SNRPG: variants seen among roughly 807,000 people sequenced by gnomAD.
The protein encoded by SNRPG is small nuclear ribonucleoprotein polypeptide G.
Under a neutral mutation model 13.9 loss-of-function variants are expected in SNRPG, and 3 were observed. The observed-to-expected ratio is 0.22, with a 90% confidence interval of 0.10 to 0.56. The LOEUF is 0.56. SNRPG is among the 20% of genes least tolerant of loss of function. The probability of loss-of-function intolerance (pLI) is 0.93; values close to 1 mark genes in which losing one functional copy is unlikely to be tolerated. For missense variants in SNRPG, 34 were observed against 96.1 expected (o/e 0.35, Z 2.70); for synonymous variants, 29 against 29.3 (o/e 0.99, Z 0.03).
At chr2:70,289,938 G>C (rs1384146696) in intron 1 of SNRPG, among the ~76,000 whole-genome samples, 4 of 151,572 alleles carry the variant, frequency 2.6e-5, no homozygotes, top group Middle Eastern at 3.2e-3. Context: ...ATTAAGTAGA[G>C]TATACTAATG....
At chr2:70,284,387 A>G (rs1298500264) in intron 3 of SNRPG, among the ~76,000 whole-genome samples, 1 of 151,994 alleles carries the variant, frequency 6.6e-6, no homozygotes, top group Non-Finnish European at 1.5e-5. Flanking sequence ...TTTCATTTTA[A>G]TTATTATTTT....
chr2:70,282,831 C>A (rs1333124144), intron 3 of SNRPG, among the ~76,000 whole-genome samples: 2 of 152,060 alleles, frequency 1.3e-5, no homozygotes, highest in Non-Finnish European at 2.9e-5. Context: ...TGGTGGCTCA[C>A]GCCTATAATC....
intron 3 of SNRPG, chr2:70,287,754 T>C (rs771576661): frequency 2.6e-5 from 11 of 426,566 alleles, no homozygotes; most frequent in Non-Finnish European, 3.8e-5. Context: ...GGGATTCATA[T>C]ACACATTAAG....
At chr2:70,283,220 G>A (rs890961218) in intron 3 of SNRPG, among the ~76,000 whole-genome samples, 1 of 149,634 alleles carries the variant, frequency 6.7e-6, no homozygotes, top group Non-Finnish European at 1.5e-5. Flanking sequence ...AAAAATAAGC[G>A]AAACTGGAAG....
intron 3 of SNRPG, among the ~76,000 whole-genome samples, chr2:70,282,746 A>G (rs1243402148): frequency 2.0e-5 from 3 of 152,206 alleles, no homozygotes; most frequent in African/African-American, 4.8e-5. Flanking sequence ...AAGTTATAAA[A>G]AAAAGGCCCT....
chr2:70,288,140 G>C lies in SNRPG; in HGVS notation c.108C>G (p.Pro36=). Residue 36 remains proline, a synonymous_variant, in exon 3 of 4, where the codon CCC becomes CCG. Transcript: ENST00000272348. Reference sequence around the variant, plus strand: ...ATTCATCTATCACAAGGTTCATAAAGGGATCAAATCCCCGCAATATTCCTT... The same window carrying C: ...ATTCATCTATCACAAGGTTCATAAACGGATCAAATCCCCGCAATATTCCTT... ...HVQGILRGFD[P]FMNLVIDECV... 6.2e-7 allele frequency: 1 copy of C among 1,610,502 alleles called. No homozygotes were observed. Among genetic ancestry groups the C allele is most frequent in the Non-Finnish European group, 8.5e-7 (1 of 1,177,096 alleles).
At chr2:70,286,375 T>C (rs1254778833) in intron 3 of SNRPG, among the ~76,000 whole-genome samples, 1 of 151,760 alleles carries the variant, frequency 6.6e-6, no homozygotes, top group African/African-American at 2.4e-5. Flanking sequence ...TTTGTTTCCC[T>C]TCTTCCAACT....
At chr2:70,288,676 C>G (rs1697003632) in intron 2 of SNRPG, among the ~76,000 whole-genome samples, 1 of 152,184 alleles carries the variant, frequency 6.6e-6, no homozygotes, top group Non-Finnish European at 1.5e-5. Context: ...ATTTCAAGTA[C>G]TGTGTGGGTC....
chr2:70,286,395 T>A (rs1476824340), intron 3 of SNRPG, among the ~76,000 whole-genome samples: 1 of 151,128 alleles, frequency 6.6e-6, no homozygotes, highest in Admixed American at 6.6e-5. Context: ...TTTAGAAAAG[T>A]CAAAAAGTTC....
intron 1 of SNRPG, 173 bp downstream of exon 1, chr2:70,293,445 T>C: frequency 2.8e-6 from 2 of 705,304 alleles, no homozygotes; most frequent in South Asian, 1.6e-5. Context: ...GCGCGAGCTC[T>C]GCGCGGGCTT....
At chr2:70,283,725 A>G (rs138684335) in intron 3 of SNRPG, among the ~76,000 whole-genome samples, 4 of 152,326 alleles carry the variant, frequency 2.6e-5, no homozygotes, top group Non-Finnish European at 4.4e-5. Context: ...CTGGCAGCCA[A>G]TTATCAGCAA....
intron 3 of SNRPG, among the ~76,000 whole-genome samples, chr2:70,285,432 C>T (rs147288226): frequency 0.02 from 3,011 of 152,136 alleles, 94 homozygotes; most frequent in African/African-American, 0.068. Context: ...ATTAGCTTGG[C>T]GTGGTGGTGT....
intron 3 of SNRPG, among the ~76,000 whole-genome samples, chr2:70,286,547 G>A (rs557615329): frequency 7.2e-5 from 11 of 152,232 alleles, no homozygotes; most frequent in East Asian, 3.9e-4. Flanking sequence ...GGGTTGGGGG[G>A]CGTGTGTGTC....
At chr2:70,289,287 C>T in intron 2 of SNRPG, 63 bp downstream of exon 2, 1 of 988,224 alleles carries the variant, frequency 1.0e-6, no homozygotes, top group Non-Finnish European at 1.5e-6. Flanking sequence ...CCAAACATTG[C>T]TAAGACACAT....
chr2:70,290,041 A>G (rs1470081691), intron 1 of SNRPG, among the ~76,000 whole-genome samples: 1 of 132,766 alleles, frequency 7.5e-6, no homozygotes, highest in African/African-American at 2.9e-5. Flanking sequence ...GAGTCTCATT[A>G]TGTTGCCCAG....
rs1010975090 is a variant in SNRPG at position 70,288,054 on chromosome 2, G to C, written c.180+14C>G. On this transcript the variant is annotated intron_variant, in intron 3 of 3. Transcript: ENST00000272348. ...AAATGAAATCTCCAAGAGAACTCTT[G>C]TATCTTTACTTACCACCATTCCAAT... 1.9e-6 allele frequency: 3 copies of C among 1,610,218 alleles called. No homozygotes were observed. In the South Asian group the frequency reaches 3.3e-5, roughly 18 times the overall value.
intron 3 of SNRPG, among the ~76,000 whole-genome samples, chr2:70,285,576 A>G (rs1004187543): frequency 1.3e-5 from 2 of 152,054 alleles, no homozygotes; most frequent in African/African-American, 4.8e-5. Flanking sequence ...TGTCATACAC[A>G]CGCGCGTGCA....
intron 1 of SNRPG, chr2:70,293,213 A>G: frequency 1.4e-6 from 1 of 702,370 alleles, no homozygotes; most frequent in Non-Finnish European, 2.6e-6. Flanking sequence ...AGTTTTAAAA[A>G]CACTTCCTTC....
intron 3 of SNRPG, among the ~76,000 whole-genome samples, chr2:70,283,681 G>A (rs1389487589): frequency 2.0e-5 from 3 of 152,182 alleles, no homozygotes; most frequent in Non-Finnish European, 4.4e-5. Flanking sequence ...CAGAATAGAA[G>A]GGAACACAAT....
Sources: allele counts gnomAD v4.1 joint callset (sites outside exome capture counted in the v4.1 genomes callset), GRCh38; gene constraint gnomAD v4.1.1; transcripts MANE v1.5; gene names NCBI Gene and HGNC (gene_info 2026-07-23, HGNC 2026-07-21).